Variants in GLG1 observed in about 807,000 individuals in gnomAD.
GLG1 encodes Golgi apparatus protein 1.
GLG1 carries 38 observed loss-of-function variants against 160.5 expected under a neutral mutation model. That is an observed-to-expected ratio of 0.24 (90% confidence interval 0.18 to 0.31). GLG1 has a LOEUF of 0.31. Ranked by LOEUF, GLG1 falls within the 10% of genes least tolerant of loss-of-function variation. The pLI is 1.00. For synonymous variants in GLG1, 644 were observed against 543.4 expected, an observed-to-expected ratio of 1.19 and a Z score of -2.57; for missense variants, 1,373 against 1,505.2, an observed-to-expected ratio of 0.91 and a Z score of 1.45.
intron 1 of GLG1, among the ~76,000 whole-genome samples, chr16:74,541,141 T>C (rs1473958620): frequency 6.6e-6 from 1 of 151,904 alleles, no homozygotes; most frequent in African/African-American, 2.4e-5. Context: ...CTGGCCAATA[T>C]GGTGAAACCC....
intron 4 of GLG1, among the ~76,000 whole-genome samples, chr16:74,498,856 C>T (rs1449736413): frequency 1.5e-5 from 2 of 130,968 alleles, no homozygotes; most frequent in African/African-American, 2.9e-5. Flanking sequence ...CAAGAGTGAA[C>T]TCCGTCTCAG....
At chr16:74,517,062 TA>T (rs1363347882) in intron 2 of GLG1, among the ~76,000 whole-genome samples, 1 of 152,132 alleles carries the variant, frequency 6.6e-6, no homozygotes, top group Middle Eastern at 3.2e-3. Context: ...CAATAATTAA[TA>T]GCCTATCAAC....
rs992808571 is a variant in GLG1, at chr16:74,495,393, C to T, written c.979-562G>A. ...CCTCCCAAAGTGCTGGGATTACAGG[C>T]GTGAGCCGCCGCACCCAGCCTCTGA... is the stretch of plus-strand genomic sequence containing the variant. On this transcript the variant is annotated intron_variant, in intron 5 of 25. Transcript: ENST00000422840. Among the ~76,000 whole-genome samples the T allele has an allele frequency of 9.8e-5, 15 of 152,286 alleles. 2 individuals carry two copies. Among genetic ancestry groups the T allele is most frequent in the Non-Finnish European group, 1.5e-5 (1 of 68,030 alleles).
At position 74,602,272 on chromosome 16, in the gene GLG1, A is replaced by G. The variant is rs552484844; in HGVS notation, c.438+4385T>C. ...CAAATTTATAATCTGAGACTGATATATCAAGAAAAGGTGGCAAGAAAGAAT... is the reference window on the plus strand; with the variant it reads ...CAAATTTATAATCTGAGACTGATATGTCAAGAAAAGGTGGCAAGAAAGAAT... On this transcript the variant is annotated intron_variant, in intron 1 of 25. Coordinates refer to ENST00000422840, the MANE Select transcript of GLG1 (RefSeq NM_001145667.2). Among the ~76,000 whole-genome samples the G allele has an allele frequency of 5.3e-5, 8 of 152,336 alleles. No homozygotes were observed. In the East Asian group the frequency reaches 5.8e-4, roughly 11 times the overall value.
rs760401925 is a variant in GLG1 at position 74,477,464 on chromosome 16, G to C, written c.1897C>G (p.Pro633Ala). 4 of 1,611,504 alleles carry C rather than the reference G, an allele frequency of 2.5e-6. No homozygotes were observed. The highest frequency in any genetic ancestry group is 1.7e-6 in the Non-Finnish European group (2 of 1,177,718). ...HQRAMDVKLD[P>A]ALQDKCLIDL... ...ATCAGGCACTTATCCTGGAGGGCAG[G>C]ATCCAGCTTGACATCCATGGCACGC... is the stretch of plus-strand genomic sequence containing the variant. Residue 633 changes from proline to alanine, a missense_variant, in exon 12 of 26, where the codon CCT becomes GCT. Coordinates refer to ENST00000422840, the MANE Select transcript of GLG1 (RefSeq NM_001145667.2).
At position 74,493,035 on chromosome 16, in the gene GLG1, T is replaced by C; in HGVS notation, c.1156A>G (p.Asn386Asp). The change falls in exon 7 of 26, where the codon AAT becomes GAT. Residue 386 changes from asparagine (N) to aspartate (D), a missense_variant. By Grantham distance (23) the Asn-to-Asp change is conservative (BLOSUM62 1). Coordinates refer to ENST00000422840, the MANE Select transcript of GLG1 (RefSeq NM_001145667.2). ...CGCGATCGCGGAAGGTTTTCCACAT[T>C]GCACCGGTATTTCTTCAAGTCACTT... is the stretch of plus-strand genomic sequence containing the variant. The part of the protein sequence containing the change: ...CKSDLKKYRC[N>D]VENLPRSREA... The C allele has an allele frequency of 6.2e-7, 1 of 1,613,990 alleles. No individual in the cohort carries two copies. Among genetic ancestry groups the C allele is most frequent in the Non-Finnish European group, 8.5e-7 (1 of 1,179,888 alleles).
At chr16:74,544,732 C>A (rs183470901) in intron 1 of GLG1, among the ~76,000 whole-genome samples, 4 of 152,296 alleles carry the variant, frequency 2.6e-5, no homozygotes, top group East Asian at 1.9e-4. Context: ...AATCTCTTGA[C>A]CTTGTGACCC....
At chr16:74,574,839 G>T (rs936093412) in intron 1 of GLG1, among the ~76,000 whole-genome samples, 1 of 117,344 alleles carries the variant, frequency 8.5e-6, no homozygotes, top group Non-Finnish European at 1.6e-5. Flanking sequence ...AGCCTAGATT[G>T]CACCACTGCA....
At chr16:74,459,131 T>C (rs1480378358) in intron 23 of GLG1, among the ~76,000 whole-genome samples, 2 of 152,220 alleles carry the variant, frequency 1.3e-5, no homozygotes, top group African/African-American at 4.8e-5. Context: ...CGAAAAAATG[T>C]GCACACAATG....
chr16:74,485,000 A>G (rs1366006851), intron 9 of GLG1, among the ~76,000 whole-genome samples: 1 of 151,974 alleles, frequency 6.6e-6, no homozygotes, highest in Non-Finnish European at 1.5e-5. Context: ...TGTAACCTTG[A>G]ACTCCTGGGC....
intron 1 of GLG1, among the ~76,000 whole-genome samples, chr16:74,581,530 G>GA (rs1957937107): frequency 1.4e-5 from 1 of 72,968 alleles, no homozygotes; most frequent in Non-Finnish European, 2.4e-5. Context: ...TTCAATGTAA[G>GA]ATTTAAAAAA....
intron 16 of GLG1, chr16:74,469,409 A>G: frequency 4.0e-6 from 1 of 249,122 alleles, no homozygotes. Context: ...CTACTGTGAA[A>G]CTCACTCCTG....
In GLG1 at chr16:74,452,615, A is replaced by C; in HGVS notation, c.*552T>G. On this transcript the variant is annotated 3_prime_UTR_variant, in exon 26 of 26. Coordinates refer to ENST00000422840, the MANE Select transcript of GLG1 (RefSeq NM_001145667.2). ...GCTGCCCACCCACGCCTCGGTGAAGACCACGGCCCTGGCGAGGCCCCAAGG... is the reference window on the plus strand; with the variant it reads ...GCTGCCCACCCACGCCTCGGTGAAGCCCACGGCCCTGGCGAGGCCCCAAGG... 2.0e-6 allele frequency: 2 copies of C among 1,000,510 alleles called. No homozygotes were observed. Among genetic ancestry groups the C allele is most frequent in the South Asian group, 8.8e-5 (2 of 22,778 alleles). 62.0% of individuals were successfully genotyped at this position (1,000,510 alleles called of 1,614,324 possible). A position where few individuals can be genotyped will look rare whatever the true frequency, so the allele number is the denominator to read the frequency against.
intron 1 of GLG1, among the ~76,000 whole-genome samples, chr16:74,555,606 C>A (rs1021892740): frequency 1.3e-5 from 2 of 151,934 alleles, no homozygotes; most frequent in African/African-American, 2.4e-5. Context: ...AGGAGGATCA[C>A]TTAAGCCAGG....
At chr16:74,589,483 T>G (rs541016343) in intron 1 of GLG1, among the ~76,000 whole-genome samples, 1 of 152,042 alleles carries the variant, frequency 6.6e-6, no homozygotes, top group Non-Finnish European at 1.5e-5. Context: ...ACCACTGATA[T>G]AAAATATTTT....
chr16:74,471,344 T>C lies in GLG1; in HGVS notation c.2116-58A>G, dbSNP rs532930832. ...GGTAACAATTAATGAACAAAACTTGTAGCCCAGTCCGAAACAAATGCAAGC... is the reference window on the plus strand; with the variant it reads ...GGTAACAATTAATGAACAAAACTTGCAGCCCAGTCCGAAACAAATGCAAGC... On this transcript the variant is annotated intron_variant, in intron 14 of 25. Transcript: ENST00000422840. 106 of 968,328 alleles carry C rather than the reference T, an allele frequency of 1.1e-4. No homozygotes were observed. In the East Asian group the frequency reaches 2.1e-3, roughly 19 times the overall value. 60.0% of individuals were successfully genotyped at this position (968,328 alleles called of 1,614,324 possible).
At chr16:74,552,271 C>G in intron 1 of GLG1, 1 of 572,068 alleles carries the variant, frequency 1.7e-6, no homozygotes, top group Non-Finnish European at 3.4e-6. Context: ...CTAAGAAGAA[C>G]GGGATTGCCA....
chr16:74,577,289 C>T (rs12447937), intron 1 of GLG1, among the ~76,000 whole-genome samples: 2,742 of 152,038 alleles, frequency 0.018, 30 homozygotes, highest in Non-Finnish European at 0.028. Flanking sequence ...TGGGAGGCCA[C>T]GGCGGGTGGA....
At chr16:74,557,808 A>C (rs2018394640) in intron 1 of GLG1, among the ~76,000 whole-genome samples, 1 of 151,336 alleles carries the variant, frequency 6.6e-6, no homozygotes, top group Middle Eastern at 3.4e-3. Flanking sequence ...CTGGTCTTCA[A>C]CTCCTGGGTT....
Sources: gnomAD v4.1 joint callset for allele counts (sites outside exome capture counted in the v4.1 genomes callset) on GRCh38, gnomAD v4.1.1 for gene constraint, MANE v1.5 for transcripts, NCBI Gene and HGNC (gene_info 2026-07-23, HGNC 2026-07-21) for gene names.